The following ITGB8 variants were observed in gnomAD, a reference collection of about 807,000 sequenced individuals.
ITGB8 encodes integrin beta-8.
In ITGB8, 30 loss-of-function variants were observed where a neutral mutation model predicts 89.5. The observed-to-expected ratio is 0.34, with a 90% CI of 0.25 to 0.45. ITGB8 has a LOEUF of 0.45. Among genes scored for constraint, ITGB8 ranks in the 20% least tolerant of loss-of-function variants. ITGB8 has a pLI of 1.00. For synonymous variants in ITGB8, 335 were observed against 320.4 expected (o/e 1.05, Z -0.49); for missense variants, 836 against 933.3 (o/e 0.90, Z 1.36).
intron 1 of ITGB8, among the ~76,000 whole-genome samples, chr7:20,354,066 A>C (rs1785208552): frequency 6.6e-6 from 1 of 152,144 alleles, no homozygotes; most frequent in Non-Finnish European, 1.5e-5. Flanking sequence ...TTTGGAAATG[A>C]AGATTACTTA....
chr7:20,373,305 A>C (rs1052523936), intron 3 of ITGB8, among the ~76,000 whole-genome samples: 1 of 152,168 alleles, frequency 6.6e-6, no homozygotes, highest in Non-Finnish European at 1.5e-5. Flanking sequence ...AATCTTATGG[A>C]AAATGATAAC....
At chr7:20,366,769 C>T (rs1329962121) in intron 2 of ITGB8, 6 of 385,608 alleles carry the variant, frequency 1.6e-5, no homozygotes, top group African/African-American at 4.3e-5. Context: ...GTCTCCGACA[C>T]AGAAAAAAAA....
At chr7:20,381,699 A>T in intron 5 of ITGB8, 28 bp from the exon 6 acceptor site, 1 of 1,563,988 alleles carries the variant, frequency 6.4e-7, no homozygotes, top group Non-Finnish European at 8.7e-7. Flanking sequence ...GTTATTGTAC[A>T]AAGTCTAATT....
intron 3 of ITGB8, among the ~76,000 whole-genome samples, chr7:20,369,818 A>G (rs1327951778): frequency 6.6e-6 from 1 of 152,188 alleles, no homozygotes; most frequent in Admixed American, 6.5e-5. Flanking sequence ...AATATTAAAT[A>G]ACAGCAAGTT....
chr7:20,348,978 G>A (rs1785021220), intron 1 of ITGB8, among the ~76,000 whole-genome samples: 1 of 152,138 alleles, frequency 6.6e-6, no homozygotes, highest in South Asian at 2.1e-4. Flanking sequence ...ATGGACTATA[G>A]TTCATAACAC....
chr7:20,350,766 G>A (rs766290721), intron 1 of ITGB8, among the ~76,000 whole-genome samples: 7 of 152,232 alleles, frequency 4.6e-5, no homozygotes, highest in Non-Finnish European at 8.8e-5. Context: ...TTTCAAGACA[G>A]AGCTAGAAAT....
At position 20,400,831 on chromosome 7, in the gene ITGB8, A is replaced by C. The variant is rs373748470; in HGVS notation, c.1282-890A>C. On this transcript the variant is annotated intron_variant, in intron 9 of 13. Coordinates refer to ENST00000222573, the MANE Select transcript of ITGB8 (RefSeq NM_002214.3). ...GTCCTAAACATTTTTCTTTCGAGTAACATCAGAGAAGGCCACAGGTTTTCC... is the reference window on the plus strand; with the variant it reads ...GTCCTAAACATTTTTCTTTCGAGTACCATCAGAGAAGGCCACAGGTTTTCC... Among the ~76,000 whole-genome samples the C allele has an allele frequency of 3.3e-5, 5 of 152,304 alleles. No individual in the cohort carries two copies. The East Asian group carries it at 9.7e-4, about 29-fold the overall frequency.
chr7:20,351,670 A>G (rs1583478665), intron 1 of ITGB8, among the ~76,000 whole-genome samples: 1 of 152,358 alleles, frequency 6.6e-6, no homozygotes, highest in African/African-American at 2.4e-5. Flanking sequence ...CCTAAAATTC[A>G]TATTGGGTTT....
chr7:20,406,211 T>C (rs755635697), intron 12 of ITGB8, 40 bp downstream of exon 12: 1 of 1,209,394 alleles, frequency 8.3e-7, no homozygotes, highest in South Asian at 1.2e-5. Context: ...GAAGAGTGTC[T>C]GTAGAGGATG....
chr7:20,405,970 T>G, intron 11 of ITGB8, 92 bp from the exon 12 acceptor site: 4 of 744,324 alleles, frequency 5.4e-6, no homozygotes, highest in Non-Finnish European at 9.3e-6. Flanking sequence ...TGTTTCTGCA[T>G]TGTTATTTTG....
intron 11 of ITGB8, 53 bp from the exon 12 acceptor site, chr7:20,406,008 TA>T: frequency 9.6e-7 from 1 of 1,040,150 alleles, no homozygotes; most frequent in Non-Finnish European, 1.5e-6. Context: ...GAAAATATTA[TA>T]GTCCACCACC....
intron 1 of ITGB8, among the ~76,000 whole-genome samples, chr7:20,357,115 G>A (rs2128134192): frequency 1.3e-5 from 2 of 152,088 alleles, no homozygotes; most frequent in Admixed American, 1.3e-4. Context: ...TTTAATTCTG[G>A]GAAATAATTT....
intron 3 of ITGB8, among the ~76,000 whole-genome samples, chr7:20,378,800 G>A (rs1280326071): frequency 1.3e-5 from 2 of 152,032 alleles, no homozygotes; most frequent in African/African-American, 4.8e-5. Context: ...TCCCTATTCA[G>A]CCTATAGAAT....
intron 1 of ITGB8, among the ~76,000 whole-genome samples, chr7:20,335,530 CATG>C (rs1562647047): frequency 1.3e-5 from 2 of 152,266 alleles, no homozygotes; most frequent in Middle Eastern, 3.4e-3. Flanking sequence ...CCTGCCCTTG[CATG>C]ATTAGTTTTT....
Position 20,405,627 on chromosome 7 carries a change from A to G in ITGB8, c.1914-435A>G, listed in dbSNP as rs140959337. On this transcript the variant is annotated intron_variant, in intron 11 of 13. Coordinates refer to ENST00000222573, the MANE Select transcript of ITGB8 (RefSeq NM_002214.3). ...GCCACTGCGCCCGGCCTTATTTTTA[A>G]TATTTTAATGATAAAGAACAATGGT... 5.4e-3 allele frequency among the ~76,000 whole-genome samples: 816 copies of G among 152,018 alleles called. 4 individuals are homozygous for G. The highest frequency in any genetic ancestry group is 0.019 in the African/African-American group (769 of 41,476).
chr7:20,395,496 C>T (rs1002103980), intron 8 of ITGB8, among the ~76,000 whole-genome samples: 1 of 152,200 alleles, frequency 6.6e-6, no homozygotes, highest in African/African-American at 2.4e-5. Context: ...TTAAAAGAAT[C>T]ACCTTAGTAG....
In ITGB8 at chr7:20,404,637, A is replaced by C. The variant is rs1424318190; in HGVS notation, c.1697A>C (p.Glu566Ala). 1.9e-6 allele frequency: 3 copies of C among 1,613,532 alleles called. No individual in the cohort carries two copies. The highest frequency in any genetic ancestry group is 1.6e-4 in the Middle Eastern group (1 of 6,082). The change falls in exon 11 of 14, where the codon GAG (glutamate) becomes GCG (alanine). Residue 566 changes from glutamate to alanine, a missense_variant. Glu to Ala is a moderately radical substitution (Grantham distance 107). Transcript: ENST00000222573. ...HHGNLCAGHG[E>A]CEAGRCQCFS... is the part of the protein sequence containing the mutation. Reference sequence around the variant, plus strand: ...GGTGTCTTCCTCACAGGGCATGGAGAGTGTGAAGCAGGCAGATGCCAATGC... The same window carrying C: ...GGTGTCTTCCTCACAGGGCATGGAGCGTGTGAAGCAGGCAGATGCCAATGC...
At chr7:20,353,457 A>G (rs1008118948) in intron 1 of ITGB8, 1 of 152,238 alleles carries the variant, frequency 6.6e-6, no homozygotes, top group African/African-American at 2.4e-5. Flanking sequence ...GACAAGGAAC[A>G]TGTAATGAAT....
chr7:20,405,637 G>T (rs995735944), intron 11 of ITGB8, among the ~76,000 whole-genome samples: 2 of 152,114 alleles, frequency 1.3e-5, no homozygotes, highest in South Asian at 4.2e-4. Context: ...ATATTTTAAT[G>T]ATAAAGAACA....
Sources: allele counts gnomAD v4.1 joint callset (sites outside exome capture counted in the v4.1 genomes callset), GRCh38; gene constraint gnomAD v4.1.1; transcripts MANE v1.5; gene names NCBI Gene and HGNC (gene_info 2026-07-23, HGNC 2026-07-21).